The following ADCY2 variants were observed in gnomAD, a reference collection of about 807,000 sequenced individuals.
ADCY2 encodes the protein adenylate cyclase 2, also known as adenylate cyclase type 2.
A neutral mutation model predicts 125.2 loss-of-function variants in ADCY2; 31 were observed. The observed-to-expected ratio is 0.25, with a 90% confidence interval of 0.19 to 0.33. The LOEUF (loss-of-function observed/expected upper bound fraction) is 0.33. ADCY2 is among the 10% of genes least tolerant of loss of function. The pLI is 1.00. For missense variants in ADCY2, 904 were observed against 1,418.2 expected, an observed-to-expected ratio of 0.64 and a Z score of 5.82; for synonymous variants, 512 against 548.4, an observed-to-expected ratio of 0.93 and a Z score of 0.93.
intron 4 of ADCY2, among the ~76,000 whole-genome samples, chr5:7,645,735 A>G (rs1738874036): frequency 6.6e-6 from 1 of 152,196 alleles, no homozygotes; most frequent in African/African-American, 2.4e-5. Context: ...TCACTTATTC[A>G]ACAGGCTTTC....
chr5:7,434,579 C>T (rs944757160), intron 2 of ADCY2, among the ~76,000 whole-genome samples: 1 of 152,234 alleles, frequency 6.6e-6, no homozygotes, highest in Non-Finnish European at 1.5e-5. Flanking sequence ...GACATATAAA[C>T]TCCACATGCT....
chr5:7,810,157 C>T (rs886281354), intron 22 of ADCY2, among the ~76,000 whole-genome samples: 20 of 151,954 alleles, frequency 1.3e-4, no homozygotes, highest in Admixed American at 1.2e-3. Flanking sequence ...TAGAGTTTTG[C>T]TTTTTTTTAA....
chr5:7,707,438 A>T (rs1440725013), intron 8 of ADCY2, among the ~76,000 whole-genome samples: 1 of 152,186 alleles, frequency 6.6e-6, no homozygotes, highest in Non-Finnish European at 1.5e-5. Context: ...TTCTCATAAA[A>T]ATTCAAGATA....
At chr5:7,700,934 G>A (rs1387719406) in intron 7 of ADCY2, among the ~76,000 whole-genome samples, 2 of 151,932 alleles carry the variant, frequency 1.3e-5, no homozygotes, top group Non-Finnish European at 2.9e-5. Context: ...TGCATAGTGT[G>A]AGAAATAGCC....
intron 17 of ADCY2, among the ~76,000 whole-genome samples, chr5:7,772,677 A>C (rs1743590387): frequency 6.6e-6 from 1 of 152,186 alleles, no homozygotes; most frequent in African/African-American, 2.4e-5. Context: ...TTTATTTCTA[A>C]AAAGTGGCAA....
chr5:7,614,277 C>A (rs1446896037), intron 3 of ADCY2, among the ~76,000 whole-genome samples: 2 of 152,178 alleles, frequency 1.3e-5, no homozygotes, highest in African/African-American at 2.4e-5. Context: ...CCTCCTACGA[C>A]TAAGAACCTC....
At position 7,743,674 on chromosome 5, in the gene ADCY2, C is replaced by T. The variant is rs62342477; in HGVS notation, c.1878C>T (p.Ser626=). 862,110 of 1,612,010 alleles carry T rather than the reference C, an allele frequency of 0.53. 242,248 individuals carry two copies. Among genetic ancestry groups the T allele is most frequent in the Non-Finnish European group, 0.58 (686,994 of 1,178,460 alleles). ...IVQILVLPKT[S]VLGISFGAAF... ...GCTTTTTGTTTCCCGGTAGAACGTC[C>T]GTCCTGGGCATCTCCTTTGGGGCTG... Residue 626 remains serine, a synonymous_variant, in exon 15 of 25, where the codon TCC becomes TCT. Transcript: ENST00000338316.
At chr5:7,646,622 A>G (rs958482042) in intron 4 of ADCY2, among the ~76,000 whole-genome samples, 2 of 152,094 alleles carry the variant, frequency 1.3e-5, no homozygotes, top group African/African-American at 4.8e-5. Flanking sequence ...TCTATGTGCA[A>G]TGAAATTTCA....
intron 3 of ADCY2, among the ~76,000 whole-genome samples, chr5:7,579,939 A>C (rs538577649): frequency 6.6e-6 from 1 of 152,350 alleles, no homozygotes; most frequent in South Asian, 2.1e-4. Flanking sequence ...AGCCATAAAC[A>C]AGAACAAAAT....
intron 2 of ADCY2, among the ~76,000 whole-genome samples, chr5:7,439,117 T>C (rs549379581): frequency 1.3e-5 from 2 of 152,314 alleles, no homozygotes. Context: ...TGAGGTAGAC[T>C]TTCTTACGTA....
At chr5:7,704,856 T>C (rs191729770) in intron 7 of ADCY2, among the ~76,000 whole-genome samples, 1,753 of 148,452 alleles carry the variant, frequency 0.012, 44 homozygotes, top group African/African-American at 0.041. Flanking sequence ...CCAACCTGGG[T>C]GACAGAGTGA....
At chr5:7,714,238 G>A (rs1741528059) in intron 11 of ADCY2, among the ~76,000 whole-genome samples, 1 of 152,188 alleles carries the variant, frequency 6.6e-6, no homozygotes, top group African/African-American at 2.4e-5. Context: ...ACACATCTAT[G>A]AGCAACTGAC....
chr5:7,571,626 C>A (rs1175984741), intron 3 of ADCY2, among the ~76,000 whole-genome samples: 4 of 152,154 alleles, frequency 2.6e-5, no homozygotes, highest in Non-Finnish European at 5.9e-5. Context: ...AATTGTGTCA[C>A]CCCTCTCAAA....
chr5:7,594,018 G>A (rs1489295139), intron 3 of ADCY2, among the ~76,000 whole-genome samples: 1 of 152,190 alleles, frequency 6.6e-6, no homozygotes, highest in Non-Finnish European at 1.5e-5. Flanking sequence ...AGATTGGAGA[G>A]GTGGACGTGG....
At chr5:7,804,514 T>G in intron 21 of ADCY2, 71 bp from the exon 22 acceptor site, 1 of 1,157,476 alleles carries the variant, frequency 8.6e-7, no homozygotes, top group South Asian at 1.3e-5. Context: ...CATTTGAGAA[T>G]GTCTCTATAA....
chr5:7,815,836 A>T (rs1745094697), intron 22 of ADCY2, among the ~76,000 whole-genome samples: 1 of 152,212 alleles, frequency 6.6e-6, no homozygotes, highest in Admixed American at 6.5e-5. Context: ...CTGCCATAAC[A>T]AAGTACTGCA....
At chr5:7,636,343 ATCAGGTT>A (rs1168707518) in intron 4 of ADCY2, among the ~76,000 whole-genome samples, 1 of 152,136 alleles carries the variant, frequency 6.6e-6, no homozygotes, top group East Asian at 1.9e-4. Flanking sequence ...ACATTGTGCA[ATCAGGTT>A]TCTAATCGGT....
intron 20 of ADCY2, among the ~76,000 whole-genome samples, chr5:7,791,052 G>T (rs540601252): frequency 1.3e-5 from 2 of 151,468 alleles, no homozygotes; most frequent in East Asian, 1.9e-4. Flanking sequence ...GTTTTTTTTT[G>T]GGGGGGTGTC....
chr5:7,766,833 T>C, intron 17 of ADCY2, 27 bp downstream of exon 17: 1 of 1,603,970 alleles, frequency 6.2e-7, no homozygotes, highest in Non-Finnish European at 8.5e-7. Context: ...TATGACTGCT[T>C]TGGTGGCTCT....
Sources: gnomAD v4.1 joint callset for allele counts (sites outside exome capture counted in the v4.1 genomes callset) on GRCh38, gnomAD v4.1.1 for gene constraint, MANE v1.5 for transcripts, NCBI Gene and HGNC (gene_info 2026-07-23, HGNC 2026-07-21) for gene names.